SLC16A7: variants seen among roughly 807,000 people sequenced by gnomAD.
SLC16A7 encodes the protein solute carrier family 16 member 7.
SLC16A7 carries 33 observed loss-of-function variants against 34.9 expected under a neutral mutation model. The observed-to-expected ratio is 0.94, with a 90% CI of 0.72 to 1.26. The LOEUF is 1.26. SLC16A7 is among the 50% of genes most tolerant of loss of function. SLC16A7 has a pLI of 0.00. For synonymous variants in SLC16A7, 201 were observed against 206.6 expected (o/e 0.97, Z 0.23); for missense variants, 573 against 578.1 (o/e 0.99, Z 0.09).
chr12:59,727,333 G>T (rs1876410867), intron 3 of SLC16A7, among the ~76,000 whole-genome samples: 1 of 151,964 alleles, frequency 6.6e-6, no homozygotes, highest in Non-Finnish European at 1.5e-5. Context: ...AGAGGAAAAG[G>T]TGTACAAAAT....
intron 1 of SLC16A7, among the ~76,000 whole-genome samples, chr12:59,650,630 T>A (rs1868327354): frequency 1.3e-5 from 2 of 152,174 alleles, no homozygotes; most frequent in South Asian, 4.1e-4. Flanking sequence ...CAAAAATCTA[T>A]CTCTCTGTAG....
chr12:59,674,996 G>A (rs561431293), intron 2 of SLC16A7, among the ~76,000 whole-genome samples: 2 of 152,252 alleles, frequency 1.3e-5, no homozygotes, highest in Non-Finnish European at 2.9e-5. Context: ...TCAGCTCTCA[G>A]GTCATCTTAC....
At chr12:59,617,730 A>T (rs1420560920) in intron 1 of SLC16A7, among the ~76,000 whole-genome samples, 2 of 151,954 alleles carry the variant, frequency 1.3e-5, no homozygotes, top group African/African-American at 4.8e-5. Context: ...GTCTGAATTA[A>T]TTGTTGAGAC....
intron 2 of SLC16A7, among the ~76,000 whole-genome samples, chr12:59,680,282 C>T (rs532067893): frequency 6.6e-6 from 1 of 152,148 alleles, no homozygotes; most frequent in African/African-American, 2.4e-5. Flanking sequence ...GTCCTGGGGC[C>T]GAACATCACA....
At chr12:59,774,213 A>G (rs1882511306) in intron 4 of SLC16A7, among the ~76,000 whole-genome samples, 1 of 152,166 alleles carries the variant, frequency 6.6e-6, no homozygotes, top group African/African-American at 2.4e-5. Flanking sequence ...TCTGTTTATA[A>G]TTCTTCAATG....
In SLC16A7 at chr12:59,596,818, G is replaced by T. The variant is rs1026822631; in HGVS notation, c.-130+582G>T. On this transcript the variant is annotated intron_variant, in intron 1 of 5. Transcript: ENST00000547379. The surrounding 1 kb of genome is among the most constrained non-coding windows in gnomAD (Gnocchi z 5.0). The stretch of plus-strand genomic sequence containing the variant: ...GGGGAAGACGAAATACCGGGGGATG[G>T]GGGGGTTGTCTTTCTTCATTTTTGG... Among the ~76,000 whole-genome samples, 1 of 152,216 alleles carries T rather than the reference G, an allele frequency of 6.6e-6. No individual in the cohort carries two copies. Among genetic ancestry groups the T allele is most frequent in the Non-Finnish European group, 1.5e-5 (1 of 68,030 alleles).
At chr12:59,605,960 A>G (rs1878918931) in intron 1 of SLC16A7, among the ~76,000 whole-genome samples, 1 of 152,202 alleles carries the variant, frequency 6.6e-6, no homozygotes, top group Non-Finnish European at 1.5e-5. Flanking sequence ...AATTTATTTT[A>G]TGAGTTGTTG....
chr12:59,663,275 T>A (rs1243615108), intron 2 of SLC16A7, among the ~76,000 whole-genome samples: 1 of 151,948 alleles, frequency 6.6e-6, no homozygotes, highest in East Asian at 1.9e-4. Flanking sequence ...CCTTTTAAAA[T>A]TATTATTCTT....
chr12:59,645,228 T>C (rs1880855643), intron 1 of SLC16A7, among the ~76,000 whole-genome samples: 1 of 152,156 alleles, frequency 6.6e-6, no homozygotes, highest in African/African-American at 2.4e-5. Flanking sequence ...GTTTTATTAT[T>C]GGATGTAGTG....
In SLC16A7 at chr12:59,671,922, T is replaced by TAC. The variant is rs1215478348; in HGVS notation, c.-31+16673_-31+16674insCA. On this transcript the variant is annotated intron_variant, in intron 2 of 5. Transcript: ENST00000547379. The stretch of plus-strand genomic sequence containing the variant: ...GTATATATACATATATGTATATATG[T>TAC]ATATATCCATATATGTATATATGTG... 4.6e-4 allele frequency among the ~76,000 whole-genome samples: 20 copies of TAC among 43,236 alleles called. 7 individuals are homozygous for TAC. Among genetic ancestry groups the TAC allele is most frequent in the Non-Finnish European group, 5.8e-4 (15 of 25,680 alleles). The allele number at this position is 43,236 out of a possible 152,430, so 28.4% of individuals were successfully genotyped here. A position where few individuals can be genotyped will look rare whatever the true frequency, so the allele number is the denominator to read the frequency against.
At chr12:59,648,644 T>G (rs1868291789) in intron 1 of SLC16A7, among the ~76,000 whole-genome samples, 1 of 152,032 alleles carries the variant, frequency 6.6e-6, no homozygotes, top group African/African-American at 2.4e-5. Flanking sequence ...GGGCTCATAG[T>G]TTAGGAGAAG....
intron 1 of SLC16A7, among the ~76,000 whole-genome samples, chr12:59,618,933 T>A (rs1389968011): frequency 6.6e-6 from 1 of 152,070 alleles, no homozygotes; most frequent in African/African-American, 2.4e-5. Flanking sequence ...TTAATGCTGA[T>A]ATAATTTTGT....
At chr12:59,684,613 T>G (rs1362664348) in intron 2 of SLC16A7, among the ~76,000 whole-genome samples, 3 of 152,066 alleles carry the variant, frequency 2.0e-5, no homozygotes, top group South Asian at 2.1e-4. Context: ...GAGCTACTTT[T>G]CCACGCTGCA....
At chr12:59,746,980 G>A (rs974989982) in intron 3 of SLC16A7, among the ~76,000 whole-genome samples, 5 of 152,060 alleles carry the variant, frequency 3.3e-5, no homozygotes, top group Admixed American at 3.3e-4. Context: ...CTACAGGTGT[G>A]CACCCCCATG....
chr12:59,630,943 G>T (rs1431188102), intron 1 of SLC16A7, among the ~76,000 whole-genome samples: 1 of 151,828 alleles, frequency 6.6e-6, no homozygotes, highest in Non-Finnish European at 1.5e-5. Context: ...AAAATTTGCT[G>T]CATATGTATT....
rs556651376 is a variant in SLC16A7, at chr12:59,596,402, G to T, written c.-130+166G>T. ...ACGTGCCAACGCAGAGTTGGCCAGC[G>T]AGCCCTTATATAGACAAAAAAATCC... On this transcript the variant is annotated intron_variant, in intron 1 of 5. Transcript: ENST00000547379. This position sits in a 1 kb window ranked among gnomAD's most constrained non-coding sequence, Gnocchi z 5.0. Among the ~76,000 whole-genome samples, 72 of 152,028 alleles carry T rather than the reference G, an allele frequency of 4.7e-4. No individual in the cohort carries two copies. Among genetic ancestry groups the T allele is most frequent in the Non-Finnish European group, 9.0e-4 (61 of 68,024 alleles).
intron 2 of SLC16A7, chr12:59,696,597 C>T (rs546549299): frequency 3.3e-5 from 5 of 151,980 alleles, no homozygotes; most frequent in African/African-American, 7.2e-5. Flanking sequence ...AAATAAGACA[C>T]AACAGATATA....
At chr12:59,669,355 T>C (rs1869475860) in intron 2 of SLC16A7, among the ~76,000 whole-genome samples, 1 of 152,252 alleles carries the variant, frequency 6.6e-6, no homozygotes, top group South Asian at 2.1e-4. Context: ...ACAATTAAGA[T>C]TGTGGTTTTT....
In SLC16A7 at chr12:59,771,228, G is replaced by A; in HGVS notation, c.227G>A (p.Ser76Asn). The A allele has an allele frequency of 6.2e-7, 1 of 1,612,634 alleles. No individual in the cohort carries two copies. The highest frequency in any genetic ancestry group is 8.5e-7 in the Non-Finnish European group (1 of 1,179,248). Reference sequence around the variant, plus strand: ...CTCCTCTCTGCTGTAGGTCCTGTAAGTAGTGTTTTGGTGAATAAATACGGC... The same window carrying A: ...CTCCTCTCTGCTGTAGGTCCTGTAAATAGTGTTTTGGTGAATAAATACGGC... ...LAVMYAGGPVSSVLVNKYGSR... is the reference protein window; with the variant it reads ...LAVMYAGGPVNSVLVNKYGSR... Residue 76 changes from serine to asparagine, a missense_variant, in exon 4 of 6, where the codon AGT becomes AAT. Coordinates refer to ENST00000547379, the MANE Select transcript of SLC16A7 (RefSeq NM_001270623.2).
Sources: gnomAD v4.1 joint callset for allele counts (sites outside exome capture counted in the v4.1 genomes callset) on GRCh38, gnomAD v4.1.1 for gene constraint, Gnocchi (gnomAD v3.1) non-coding constraint, MANE v1.5 for transcripts, NCBI Gene and HGNC (gene_info 2026-07-23, HGNC 2026-07-21) for gene names.